Variants in RUBCN observed in about 807,000 individuals in gnomAD.
RUBCN encodes rubicon autophagy regulator.
A neutral mutation model predicts 113.2 loss-of-function variants in RUBCN; 74 were observed. The ratio of observed to expected loss-of-function variants is 0.65; its 90% CI spans 0.54 to 0.79. The LOEUF is 0.79. Among genes scored for constraint, RUBCN ranks in the 30% least tolerant of loss-of-function variants. RUBCN has a pLI of 0.00. For missense variants in RUBCN, 1,109 were observed against 1,251.7 expected, an observed-to-expected ratio of 0.89 and a Z score of 1.72; for synonymous variants, 480 against 490.0, an observed-to-expected ratio of 0.98 and a Z score of 0.27.
intron 1 of RUBCN, among the ~76,000 whole-genome samples, chr3:197,735,677 G>A (rs1728040365): frequency 6.6e-6 from 1 of 151,876 alleles, no homozygotes; most frequent in African/African-American, 2.4e-5. Flanking sequence ...ATGCAGCCTC[G>A]ACTTATTGGA....
intron 2 of RUBCN, among the ~76,000 whole-genome samples, chr3:197,709,308 CCAT>C (rs1198604320): frequency 2.0e-5 from 3 of 152,094 alleles, no homozygotes; most frequent in African/African-American, 7.2e-5. Flanking sequence ...AAAACCACCA[CCAT>C]CACCACCACC....
At position 197,683,496 on chromosome 3, in the gene RUBCN, G is replaced by T. The variant is rs1721497497; in HGVS notation, c.1848-57C>A. ...ACAGGGAAAGGATGGGCGATGCGAG[G>T]CTTCCCTTCATGATCTCATCCCCCA... is the stretch of plus-strand genomic sequence containing the variant. On this transcript the variant is annotated intron_variant, in intron 12 of 19. Transcript: ENST00000296343. The surrounding 1 kb of genome is among the most constrained non-coding windows in gnomAD (Gnocchi z 4.6). The T allele has an allele frequency of 6.2e-7, 1 of 1,603,216 alleles. No individual in the cohort carries two copies. Among genetic ancestry groups the T allele is most frequent in the Non-Finnish European group, 8.5e-7 (1 of 1,173,148 alleles).
In RUBCN at chr3:197,683,157, A is replaced by G. The variant is rs1477601145; in HGVS notation, c.1980+150T>C. 2 of 1,036,766 alleles carry G rather than the reference A, an allele frequency of 1.9e-6. No individual in the cohort carries two copies. The highest frequency in any genetic ancestry group is 4.8e-5 in the East Asian group (2 of 41,966). 64.2% of individuals were successfully genotyped at this position (1,036,766 alleles called of 1,614,324 possible). A position where few individuals can be genotyped will look rare whatever the true frequency, so the allele number is the denominator to read the frequency against. Reference sequence around the variant, plus strand: ...AAGGTGAGCAAGCATTCACTCGTTCATTTATCACTTGACACATTGTAATGA... The same window carrying G: ...AAGGTGAGCAAGCATTCACTCGTTCGTTTATCACTTGACACATTGTAATGA... On this transcript the variant is annotated intron_variant, in intron 13 of 19. Transcript: ENST00000296343. This position sits in a 1 kb window ranked among gnomAD's most constrained non-coding sequence, Gnocchi z 4.6.
Position 197,704,593 on chromosome 3 carries a change from G to A in RUBCN, c.412C>T (p.Gln138Ter), listed in dbSNP as rs1392357969. Residue 138 changes from glutamine to a stop codon, truncating the protein, a stop_gained, in exon 4 of 20, where the codon CAG (glutamine) becomes TAG (stop). Transcript: ENST00000296343. LOFTEE classifies it high-confidence loss of function. ...CTATCCCCGAGCAGGGGCCGGAGCTGGGCTGAGAGGCAGTGGTACTGCAGG... is the reference window on the plus strand; with the variant it reads ...CTATCCCCGAGCAGGGGCCGGAGCTAGGCTGAGAGGCAGTGGTACTGCAGG... ...HSLQYHCLSA[Q>*]LRPLLGDRQY... The A allele has an allele frequency of 1.2e-6, 2 of 1,614,234 alleles. No individual in the cohort carries two copies. Among genetic ancestry groups the A allele is most frequent in the Non-Finnish European group, 1.7e-6 (2 of 1,180,044 alleles).
chr3:197,688,219 G>T (rs1026778229), intron 11 of RUBCN, among the ~76,000 whole-genome samples: 4 of 152,154 alleles, frequency 2.6e-5, no homozygotes, highest in African/African-American at 4.8e-5. Flanking sequence ...CAGAGACAGG[G>T]TTTCACCATG....
intron 2 of RUBCN, among the ~76,000 whole-genome samples, chr3:197,705,767 C>T (rs1017221515): frequency 7.9e-5 from 12 of 152,066 alleles, no homozygotes; most frequent in Non-Finnish European, 1.2e-4. Flanking sequence ...GTCACTCTGT[C>T]ACCCAGGCTG....
Position 197,683,826 on chromosome 3 carries a change from A to G in RUBCN, c.1847+331T>C, listed in dbSNP as rs769968437. Among the ~76,000 whole-genome samples, 4 of 152,164 alleles carry G rather than the reference A, an allele frequency of 2.6e-5. No homozygotes were observed. Among genetic ancestry groups the G allele is most frequent in the Non-Finnish European group, 5.9e-5 (4 of 68,026 alleles). On this transcript the variant is annotated intron_variant, in intron 12 of 19. Coordinates refer to ENST00000296343, the MANE Select transcript of RUBCN (RefSeq NM_014687.4). The surrounding 1 kb of genome is among the most constrained non-coding windows in gnomAD (Gnocchi z 4.6). Reference sequence around the variant, plus strand: ...GCTACTGTGTCCCCTGGTTGGGTCTATGATGTGGAATCTGTTCAATTTGAT... The same window carrying G: ...GCTACTGTGTCCCCTGGTTGGGTCTGTGATGTGGAATCTGTTCAATTTGAT...
intron 1 of RUBCN, among the ~76,000 whole-genome samples, chr3:197,728,580 T>C (rs1456139111): frequency 6.6e-6 from 1 of 152,198 alleles, no homozygotes; most frequent in East Asian, 1.9e-4. Flanking sequence ...TGCCCATCTG[T>C]AAGAGGGATG....
upstream of RUBCN, among the ~76,000 whole-genome samples, chr3:197,739,884 A>T (rs1728454474): frequency 6.6e-6 from 1 of 151,926 alleles, no homozygotes; most frequent in Non-Finnish European, 1.5e-5. Context: ...AAAAATACAA[A>T]GAAAAAATAG....
chr3:197,721,473 T>C (rs1224520132), intron 1 of RUBCN, among the ~76,000 whole-genome samples: 1 of 152,184 alleles, frequency 6.6e-6, no homozygotes, highest in Non-Finnish European at 1.5e-5. Context: ...TCTCTCTGAT[T>C]TTATTTATTT....
At chr3:197,695,104 G>C (rs1560425980) in intron 9 of RUBCN, among the ~76,000 whole-genome samples, 1 of 152,016 alleles carries the variant, frequency 6.6e-6, no homozygotes, top group Non-Finnish European at 1.5e-5. Flanking sequence ...CCAGCACTCT[G>C]GGAGGCCAAG....
chr3:197,728,730 GA>G (rs1727041053), intron 1 of RUBCN, among the ~76,000 whole-genome samples: 1 of 152,196 alleles, frequency 6.6e-6, no homozygotes, highest in East Asian at 1.9e-4. Context: ...AGAGAATTCA[GA>G]ACGTAATGGG....
At chr3:197,744,540 A>G (rs1376594616) in intron 1 of RUBCN, among the ~76,000 whole-genome samples, 1 of 152,246 alleles carries the variant, frequency 6.6e-6, no homozygotes, top group Non-Finnish European at 1.5e-5. Context: ...AAAAATTAGC[A>G]TCATACTTAA....
chr3:197,721,225 G>A (rs1726125589), intron 1 of RUBCN, among the ~76,000 whole-genome samples: 1 of 152,188 alleles, frequency 6.6e-6, no homozygotes, highest in African/African-American at 2.4e-5. Flanking sequence ...GAATTCGGCA[G>A]TGACAACATC....
chr3:197,704,825 G>T, intron 3 of RUBCN, 124 bp from the exon 4 acceptor site: 1 of 1,118,400 alleles, frequency 8.9e-7, no homozygotes, highest in Non-Finnish European at 1.3e-6. Flanking sequence ...TTCACCCTGG[G>T]TCCCATGTAG....
rs1013504947 is a variant in RUBCN at position 197,669,270 on chromosome 3, T to C, written c.*5748A>G. ...AAATTGTATTCAGATTTTGCCAGTT[T>C]TTTCACTAATATCCTTTCTCCATTT... On this transcript the variant is annotated 3_prime_UTR_variant, in exon 20 of 20. Transcript: ENST00000296343. 3.9e-5 allele frequency among the ~76,000 whole-genome samples: 6 copies of C among 152,326 alleles called. No homozygotes were observed. Among genetic ancestry groups the C allele is most frequent in the Non-Finnish European group, 5.9e-5 (4 of 68,032 alleles).
chr3:197,685,540 A>AGT (rs1721744375), intron 11 of RUBCN, among the ~76,000 whole-genome samples: 1 of 152,212 alleles, frequency 6.6e-6, no homozygotes, highest in Non-Finnish European at 1.5e-5. Context: ...TAAAATACTT[A>AGT]ACACAGGGCT....
intron 1 of RUBCN, among the ~76,000 whole-genome samples, chr3:197,745,712 T>G (rs573957576): frequency 6.6e-6 from 1 of 151,360 alleles, no homozygotes; most frequent in Non-Finnish European, 1.5e-5. Flanking sequence ...GTGCACATTA[T>G]GAAAAAGGAG....
intron 1 of RUBCN, among the ~76,000 whole-genome samples, chr3:197,730,182 C>G (rs558831505): frequency 2.0e-5 from 3 of 151,990 alleles, no homozygotes; most frequent in African/African-American, 7.3e-5. Context: ...GTAAGAGAAC[C>G]CTGATTTTCC....
Sources: allele counts gnomAD v4.1 joint callset (sites outside exome capture counted in the v4.1 genomes callset), GRCh38; gene constraint gnomAD v4.1.1; non-coding constraint Gnocchi (gnomAD v3.1); transcripts MANE v1.5; gene names NCBI Gene and HGNC (gene_info 2026-07-23, HGNC 2026-07-21).